PLA2G4B: variants seen among roughly 807,000 people sequenced by gnomAD.
PLA2G4B encodes cytosolic phospholipase A2 beta.
In PLA2G4B, 122 loss-of-function variants were observed where a neutral mutation model predicts 95.8. The ratio of observed to expected loss-of-function variants is 1.27; its 90% confidence interval spans 1.10 to 1.48. PLA2G4B has a LOEUF of 1.48. Among genes scored for constraint, PLA2G4B ranks in the 40% most tolerant of loss-of-function variants. The pLI, the probability that PLA2G4B is intolerant of heterozygous loss-of-function variation, is 0.00. For synonymous variants in PLA2G4B, 518 were observed against 421.5 expected (o/e 1.23, Z -2.80); for missense variants, 1,158 against 996.2 (o/e 1.16, Z -2.19).
chr15:41,841,272 T>C lies in PLA2G4B; in HGVS notation c.434T>C (p.Val145Ala). ...GEWLVSNGVLVARELSCLHVQ... is the reference protein window; with the variant it reads ...GEWLVSNGVLAARELSCLHVQ... ...TGGCTCGTCAGCAATGGCGTTCTGGTGGTGAGTGTGCCAGTGCTCTGGGAG... is the reference window on the plus strand; with the variant it reads ...TGGCTCGTCAGCAATGGCGTTCTGGCGGTGAGTGTGCCAGTGCTCTGGGAG... The change falls in exon 6 of 20, where the codon GTG becomes GCG. Residue 145 changes from valine to alanine, a missense_variant and splice_region_variant. By Grantham distance (64) the Val-to-Ala change is moderately conservative (BLOSUM62 0). Coordinates refer to ENST00000458483, the MANE Select transcript of PLA2G4B (RefSeq NM_001114633.2). The C allele has an allele frequency of 6.2e-7, 1 of 1,612,458 alleles. No homozygotes were observed. The highest frequency in any genetic ancestry group is 2.2e-5 in the East Asian group (1 of 44,864).
At chr15:41,843,602 G>A (rs988225005) in intron 10 of PLA2G4B, 74 bp from the exon 11 acceptor site, 135 of 1,571,174 alleles carry the variant, frequency 8.6e-5, no homozygotes, top group Non-Finnish European at 1.1e-4. Context: ...GGTATTACAG[G>A]TGAGGCAGAC....
chr15:41,847,894 C>A lies in PLA2G4B; in HGVS notation c.*34C>A. The A allele has an allele frequency of 1.9e-6, 3 of 1,595,268 alleles. No individual in the cohort carries two copies. Among genetic ancestry groups the A allele is most frequent in the South Asian group, 2.2e-5 (2 of 88,998 alleles). ...GCCCCTGCCACCCCTAACTCTCATT[C>A]ATTCCCTGGCTGCTGAGTTGCAGGT... On this transcript the variant is annotated 3_prime_UTR_variant, in exon 20 of 20. Transcript: ENST00000458483.
At chr15:41,844,035 C>T (rs1024837398) in intron 11 of PLA2G4B, among the ~76,000 whole-genome samples, 5 of 152,222 alleles carry the variant, frequency 3.3e-5, no homozygotes, top group African/African-American at 9.6e-5. Context: ...GGCTTTCCTA[C>T]TCTGTTTCTT....
chr15:41,846,759 G>A lies in PLA2G4B; in HGVS notation c.1871G>A (p.Cys624Tyr), dbSNP rs1171539377. Residue 624 changes from cysteine to tyrosine, a missense_variant, in exon 18 of 20, where the codon TGC (cysteine) becomes TAC (tyrosine). Coordinates refer to ENST00000458483, the MANE Select transcript of PLA2G4B (RefSeq NM_001114633.2). The part of the protein sequence containing the change: ...LDVGYLINTS[C>Y]LPLLQPTRDV... ...GTTGGCTACCTCATCAATACCAGCT[G>A]CCTGCCCCTCCTGCAGCCCACTCGG... 2 of 1,613,876 alleles carry A rather than the reference G, an allele frequency of 1.2e-6. No homozygotes were observed. The highest frequency in any genetic ancestry group is 2.7e-5 in the African/African-American group (2 of 74,904).
chr15:41,843,789 A>G lies in PLA2G4B; in HGVS notation c.857A>G (p.Asp286Gly). Residue 286 changes from aspartate to glycine, a missense_variant, in exon 11 of 20, where the codon GAC (aspartate) becomes GGC (glycine). Physicochemically the swap from Asp to Gly is moderately conservative, Grantham distance 94 (BLOSUM62 -1). Transcript: ENST00000458483. ...AAALRQALQL[D>G]GDLQEDEIPV... is the part of the protein sequence containing the mutation. ...GCCTTGAGGCAGGCCCTGCAGCTGG[A>G]CGGAGACCTGCAGGAGGATGAGGTT... 6.2e-7 allele frequency: 1 copy of G among 1,613,812 alleles called. No homozygotes were observed.
In PLA2G4B at chr15:41,845,976, A is replaced by C. The variant is rs2065535296; in HGVS notation, c.1529A>C (p.Gln510Pro). 6.6e-7 allele frequency: 1 copy of C among 1,518,970 alleles called. No individual in the cohort carries two copies. The allele number at this position is 1,518,970 out of a possible 1,614,324, so 94.1% of individuals were successfully genotyped here. The change falls in exon 16 of 20, where the codon CAG (glutamine) becomes CCG (proline). Residue 510 changes from glutamine to proline, a missense_variant. Physicochemically the swap from Gln to Pro is moderately conservative, Grantham distance 76. Transcript: ENST00000458483. Reference sequence around the variant, plus strand: ...AGCAACCTGTATGCAGCCAACCTCCAGGACAGCTTATACTGGGCCTCAGAG... The same window carrying C: ...AGCAACCTGTATGCAGCCAACCTCCCGGACAGCTTATACTGGGCCTCAGAG... ...IWSNLYAANL[Q>P]DSLYWASEPS...
At chr15:41,845,552 G>T (rs2065523466) in intron 14 of PLA2G4B, 86 bp from the exon 15 acceptor site, 3 of 1,569,382 alleles carry the variant, frequency 1.9e-6, no homozygotes, top group East Asian at 4.5e-5. Flanking sequence ...GTCCTCAGCT[G>T]CCCTAAAGCA....
chr15:41,847,554 G>GCCCCAGTCCCCCACACCTCCTCCGT, intron 19 of PLA2G4B, 31 bp downstream of exon 19: 2 of 1,603,604 alleles, frequency 1.2e-6, no homozygotes, highest in African/African-American at 2.7e-5. Flanking sequence ...CCATCCTGCT[G>GCCCCAGTCCCCCACACCTCCTCCGT]CCCCAGTCCC....
rs756256934 is a variant in PLA2G4B at position 41,846,355 on chromosome 15, C to G, written c.1753C>G (p.Gln585Glu). The G allele has an allele frequency of 6.3e-5, 101 of 1,608,404 alleles. No individual in the cohort carries two copies. Among genetic ancestry groups the G allele is most frequent in the Non-Finnish European group, 8.3e-5 (98 of 1,175,114 alleles). Residue 585 changes from glutamine (Q) to glutamate (E), a missense_variant, in exon 17 of 20, where the codon CAG becomes GAG. Physicochemically the swap from Gln to Glu is conservative, Grantham distance 29. Coordinates refer to ENST00000458483, the MANE Select transcript of PLA2G4B (RefSeq NM_001114633.2). ...CCTCCATTTCCACAAAGACTACTTT[C>G]AGCATCCTCACTTCTCCACATGGAA... ...RGLHFHKDYF[Q>E]HPHFSTWKAT... is the part of the protein sequence containing the mutation.
Position 41,841,809 on chromosome 15 carries a change from C to T in PLA2G4B, c.491-10C>T. On this transcript the variant is annotated splice_polypyrimidine_tract_variant and intron_variant, in intron 7 of 19. Coordinates refer to ENST00000458483, the MANE Select transcript of PLA2G4B (RefSeq NM_001114633.2). ...GTCCCCAGCCTCTCTGCTCTGGTTC[C>T]TGTTTCCAGCCTCAGAGCACAGAGT... is the stretch of plus-strand genomic sequence containing the variant. 1 of 1,612,912 alleles carries T rather than the reference C, an allele frequency of 6.2e-7. No homozygotes were observed. Among genetic ancestry groups the T allele is most frequent in the Non-Finnish European group, 8.5e-7 (1 of 1,179,548 alleles).
In PLA2G4B at chr15:41,847,888, CTCAT is replaced by C. The variant is rs751658409; in HGVS notation, c.*35_*38del. ...GCCGGGGCCCCTGCCACCCCTAACT[CTCAT>C]TCATTCCCTGGCTGCTGAGTTGCAG... On this transcript the variant is annotated 3_prime_UTR_variant, in exon 20 of 20. Coordinates refer to ENST00000458483, the MANE Select transcript of PLA2G4B (RefSeq NM_001114633.2). 1.9e-6 allele frequency: 3 copies of C among 1,602,068 alleles called. No individual in the cohort carries two copies. Among genetic ancestry groups the C allele is most frequent in the East Asian group, 2.2e-5 (1 of 44,462 alleles).
At position 41,847,482 on chromosome 15, in the gene PLA2G4B, T is replaced by C. The variant is rs528331855; in HGVS notation, c.2093T>C (p.Phe698Ser). The C allele has an allele frequency of 6.2e-6, 10 of 1,610,884 alleles. No individual in the cohort carries two copies. The highest frequency in any genetic ancestry group is 7.6e-6 in the Non-Finnish European group (9 of 1,178,080). ...CCCGGAGCCCCTGCGGTGCTGCACT[T>C]TCCTCTGGTCAGCGACTCCTTCCGG... ...TCPGAPAVLH[F>S]PLVSDSFREY... Residue 698 changes from phenylalanine to serine, a missense_variant, in exon 19 of 20, where the codon TTT (phenylalanine) becomes TCT (serine). Coordinates refer to ENST00000458483, the MANE Select transcript of PLA2G4B (RefSeq NM_001114633.2).
chr15:41,847,270 C>G (rs147319482), intron 18 of PLA2G4B, 67 bp from the exon 19 acceptor site: 14 of 1,521,214 alleles, frequency 9.2e-6, no homozygotes, highest in African/African-American at 8.3e-5. Context: ...GTGCATCTTA[C>G]GTCAGCCCCA....
intron 9 of PLA2G4B, 33 bp downstream of exon 9, chr15:41,842,309 C>T (rs2065447185): frequency 6.2e-7 from 1 of 1,612,728 alleles, no homozygotes; most frequent in Admixed American, 1.7e-5. Context: ...AGCAAGGCGC[C>T]TGGATGGGGC....
chr15:41,844,667 TCTC>T, intron 12 of PLA2G4B, 60 bp downstream of exon 12: 1 of 1,611,120 alleles, frequency 6.2e-7, no homozygotes, highest in Admixed American at 1.7e-5. Context: ...GTGCCAGGGT[TCTC>T]CTAGGCCTCT....
At chr15:41,840,691 A>G in intron 3 of PLA2G4B, 31 bp downstream of exon 3, 1 of 1,607,106 alleles carries the variant, frequency 6.2e-7, no homozygotes, top group South Asian at 1.1e-5. Flanking sequence ...GACTCTACCC[A>G]CATCCTCGCC....
In PLA2G4B at chr15:41,844,866, T is replaced by C; in HGVS notation, c.1035T>C (p.Tyr345=). 1.9e-6 allele frequency: 3 copies of C among 1,608,110 alleles called. No individual in the cohort carries two copies. The highest frequency in any genetic ancestry group is 2.5e-6 in the Non-Finnish European group (3 of 1,177,664). Reference sequence around the variant, plus strand: ...TTCCCAGGGCCTTGGCCAACCTTTATGAGGACCCAGAGTGGTCTCAGAAGG... The same window carrying C: ...TTCCCAGGGCCTTGGCCAACCTTTACGAGGACCCAGAGTGGTCTCAGAAGG... ...SGSTWALANL[Y]EDPEWSQKDL... is the part of the protein sequence containing the mutation. The change falls in exon 13 of 20, where the codon TAT becomes TAC. Residue 345 remains tyrosine, a synonymous_variant. Transcript: ENST00000458483.
chr15:41,844,556 T>TG lies in PLA2G4B; in HGVS notation c.968dup (p.Leu324ProfsTer23). The TG allele has an allele frequency of 6.2e-7, 1 of 1,614,208 alleles. No homozygotes were observed. Among genetic ancestry groups the TG allele is most frequent in the Non-Finnish European group, 8.5e-7 (1 of 1,180,022 alleles). On this transcript the variant is annotated frameshift_variant, in exon 12 of 20. Transcript: ENST00000458483. LOFTEE classifies it high-confidence loss of function. ...GGGCAGCTGGCTGGCCTGAAGGAGCTGGGCCTCTTGGATTGCGTCTCCTAC... is the reference window on the plus strand; with the variant it reads ...GGGCAGCTGGCTGGCCTGAAGGAGCTGGGGCCTCTTGGATTGCGTCTCCTAC...
At position 41,847,784 on chromosome 15, in the gene PLA2G4B, T is replaced by C. The variant is rs751333221; in HGVS notation, c.2270T>C (p.Val757Ala). Residue 757 changes from valine (V) to alanine (A), a missense_variant, in exon 20 of 20, where the codon GTC (valine) becomes GCC (alanine). Physicochemically the swap from Val to Ala is moderately conservative, Grantham distance 64 (BLOSUM62 0). Transcript: ENST00000458483. The stretch of plus-strand genomic sequence containing the variant: ...CTGCTGCACCTGACACATTACAATG[T>C]CTGCAACAACCAGGAGCAGCTGCTG... ...DKLLHLTHYN[V>A]CNNQEQLLEA... 2.5e-6 allele frequency: 4 copies of C among 1,609,824 alleles called. No individual in the cohort carries two copies. The highest frequency in any genetic ancestry group is 1.4e-5 in the African/African-American group (1 of 71,484).
Sources: gnomAD v4.1 joint callset for allele counts (sites outside exome capture counted in the v4.1 genomes callset) on GRCh38, gnomAD v4.1.1 for gene constraint, MANE v1.5 for transcripts, NCBI Gene and HGNC (gene_info 2026-07-23, HGNC 2026-07-21) for gene names.